Variants in XIRP2 observed in about 807,000 individuals in gnomAD.
XIRP2 encodes the protein xin actin binding repeat containing 2, also known as xin actin-binding repeat-containing protein 2.
XIRP2 carries 236 observed loss-of-function variants against 277.0 expected under a neutral mutation model. The observed-to-expected ratio is 0.85, with a 90% CI of 0.77 to 0.95. The LOEUF (loss-of-function observed/expected upper bound fraction) is 0.95. XIRP2 is among the 40% of genes least tolerant of loss of function. XIRP2 has a pLI of 0.00. For missense variants in XIRP2, 4,640 were observed against 4,157.5 expected, an observed-to-expected ratio of 1.12 and a Z score of -3.19; for synonymous variants, 1,490 against 1,416.5, an observed-to-expected ratio of 1.05 and a Z score of -1.17.
At chr2:166,953,068 TG>T (rs1686074920) in intron 2 of XIRP2, among the ~76,000 whole-genome samples, 3 of 152,020 alleles carry the variant, frequency 2.0e-5, no homozygotes, top group African/African-American at 7.2e-5. Context: ...AATAGCCTAC[TG>T]GTTCTGGGGC....
chr2:167,094,667 T>C (rs1050520752), intron 2 of XIRP2, among the ~76,000 whole-genome samples: 10 of 152,186 alleles, frequency 6.6e-5, no homozygotes, highest in Non-Finnish European at 7.3e-5. Context: ...TTCTGTTCCA[T>C]TGGTCTACAT....
intron 2 of XIRP2, among the ~76,000 whole-genome samples, chr2:167,072,983 A>C (rs979040373): frequency 6.6e-6 from 1 of 152,292 alleles, no homozygotes; most frequent in East Asian, 1.9e-4. Context: ...GAAAACGATA[A>C]AAGTAAAATT....
Position 167,247,778 on chromosome 2 carries a change from T to A in XIRP2, c.6386T>A (p.Leu2129Gln). Residue 2129 changes from leucine (L) to glutamine (Q), a missense_variant, in exon 9 of 11, where the codon CTG (leucine) becomes CAG (glutamine). Physicochemically the swap from Leu to Gln is moderately radical, Grantham distance 113. Transcript: ENST00000409195. ...KTVGKQQTYE[L>Q]RNDHQKMEGF... Reference sequence around the variant, plus strand: ...GTTGGAAAGCAACAGACATATGAACTGAGAAATGACCACCAGAAAATGGAG... The same window carrying A: ...GTTGGAAAGCAACAGACATATGAACAGAGAAATGACCACCAGAAAATGGAG... 6.2e-7 allele frequency: 1 copy of A among 1,613,192 alleles called. No homozygotes were observed. Among genetic ancestry groups the A allele is most frequent in the Non-Finnish European group, 8.5e-7 (1 of 1,179,622 alleles).
intron 2 of XIRP2, among the ~76,000 whole-genome samples, chr2:166,968,281 A>G (rs374392641): frequency 3.9e-5 from 6 of 151,926 alleles, no homozygotes; most frequent in African/African-American, 1.4e-4. Flanking sequence ...TTACATTCCA[A>G]GTTTCTAAAA....
chr2:167,185,462 G>A (rs1693128122), intron 3 of XIRP2, among the ~76,000 whole-genome samples: 1 of 151,800 alleles, frequency 6.6e-6, no homozygotes, highest in Non-Finnish European at 1.5e-5. Flanking sequence ...AAAACAGCAA[G>A]TTTGAAGAAA....
At chr2:167,146,244 A>C (rs1335131575) in intron 3 of XIRP2, among the ~76,000 whole-genome samples, 2 of 152,132 alleles carry the variant, frequency 1.3e-5, no homozygotes, top group Non-Finnish European at 2.9e-5. Flanking sequence ...TCATGCCTGT[A>C]ATCCCAGCAT....
rs1574094813 is a variant in XIRP2 at position 166,937,642 on chromosome 2, A to G, written c.408+33752A>G. On this transcript the variant is annotated intron_variant, in intron 2 of 10. Transcript: ENST00000409195. ...GTTAGGGAGGATTCCCTCTTTTTCT[A>G]TTGATTGGAATAGTTTCAGAAGGAA... Among the ~76,000 whole-genome samples, 3 of 152,094 alleles carry G rather than the reference A, an allele frequency of 2.0e-5. 1 individual carries two copies. The highest frequency in any genetic ancestry group is 7.2e-5 in the African/African-American group (3 of 41,470).
chr2:167,028,427 G>A (rs936768636), intron 2 of XIRP2, among the ~76,000 whole-genome samples: 1 of 151,972 alleles, frequency 6.6e-6, no homozygotes, highest in Admixed American at 6.6e-5. Flanking sequence ...GTAATCCAAG[G>A]AATTCTCTCA....
At chr2:167,026,757 T>C (rs1450631895) in intron 2 of XIRP2, among the ~76,000 whole-genome samples, 2 of 152,174 alleles carry the variant, frequency 1.3e-5, no homozygotes, top group Admixed American at 6.5e-5. Context: ...GAAAATTCTT[T>C]TCTTTAAGAA....
chr2:167,255,921 A>G (rs942886562), intron 10 of XIRP2, among the ~76,000 whole-genome samples: 2 of 151,852 alleles, frequency 1.3e-5, no homozygotes, highest in African/African-American at 2.4e-5. Context: ...CTTTCATTGT[A>G]TTCTTTGATA....
At chr2:167,228,732 A>G (rs1216297407) in intron 5 of XIRP2, among the ~76,000 whole-genome samples, 1 of 152,128 alleles carries the variant, frequency 6.6e-6, no homozygotes, top group South Asian at 2.1e-4. Context: ...TGAAAAAATC[A>G]TCATTGGTTT....
chr2:166,926,895 A>G (rs1270456565), intron 2 of XIRP2, among the ~76,000 whole-genome samples: 3 of 152,120 alleles, frequency 2.0e-5, no homozygotes, highest in East Asian at 3.9e-4. Context: ...GTCATAATAC[A>G]GTCAGCAATA....
intron 9 of XIRP2, 37 bp from the exon 10 acceptor site, chr2:167,253,995 T>G: frequency 6.5e-7 from 1 of 1,537,026 alleles, no homozygotes; most frequent in Non-Finnish European, 8.7e-7. Flanking sequence ...TGATTGAAGA[T>G]AACACTACAG....
intron 2 of XIRP2, among the ~76,000 whole-genome samples, chr2:167,087,708 G>A (rs1690003776): frequency 6.6e-6 from 1 of 152,182 alleles, no homozygotes; most frequent in Non-Finnish European, 1.5e-5. Flanking sequence ...CGATTTTCCA[G>A]GTGCGTCTGT....
intron 3 of XIRP2, among the ~76,000 whole-genome samples, chr2:167,155,577 G>T (rs1175025202): frequency 6.6e-6 from 1 of 152,106 alleles, no homozygotes; most frequent in African/African-American, 2.4e-5. Context: ...CAATAAATTA[G>T]GTATTGATGG....
chr2:167,250,970 C>T lies in XIRP2; in HGVS notation c.9578C>T (p.Ser3193Phe). ...VRLKDTTAKL[S>F]KGAIPCPAAT... ...CTCAAAGACACCACTGCAAAGTTAT[C>T]CAAAGGGGCCATCCCATGTCCAGCA... Residue 3193 changes from serine (S) to phenylalanine (F), a missense_variant, in exon 9 of 11, where the codon TCC becomes TTC. Ser to Phe is a radical substitution (Grantham distance 155). Transcript: ENST00000409195. 6.2e-7 allele frequency: 1 copy of T among 1,613,610 alleles called. No individual in the cohort carries two copies. The highest frequency in any genetic ancestry group is 8.5e-7 in the Non-Finnish European group (1 of 1,179,722).
rs1003858669 is a variant in XIRP2, at chr2:167,243,839, C to T, written c.2447C>T (p.Pro816Leu). Residue 816 changes from proline to leucine, a missense_variant, in exon 9 of 11, where the codon CCT becomes CTT. Physicochemically the swap from Pro to Leu is moderately conservative, Grantham distance 98. Transcript: ENST00000409195. ...SKAKWLFETQPLEKIKESEEV... is the reference protein window; with the variant it reads ...SKAKWLFETQLLEKIKESEEV... ...GCAAAGTGGTTATTTGAAACCCAAC[C>T]TTTGGAGAAAATCAAAGAGTCAGAA... 2.5e-6 allele frequency: 4 copies of T among 1,613,696 alleles called. No individual in the cohort carries two copies. The Admixed American group carries it at 6.7e-5, about 27-fold the overall frequency.
intron 2 of XIRP2, among the ~76,000 whole-genome samples, chr2:167,095,943 G>A (rs541858831): frequency 1.0e-3 from 134 of 128,060 alleles, no homozygotes; most frequent in African/African-American, 3.5e-3. Context: ...GCATGATCTT[G>A]GCTCACTGCA....
rs1253184653 is a variant in XIRP2 at position 166,933,039 on chromosome 2, T to G, written c.408+29149T>G. On this transcript the variant is annotated intron_variant, in intron 2 of 10. Transcript: ENST00000409195. ...TGTATTTATTCCTTCCTGTTTGCATTTAACTTTATAAAATTATTTTGTTAA... is the reference window on the plus strand; with the variant it reads ...TGTATTTATTCCTTCCTGTTTGCATGTAACTTTATAAAATTATTTTGTTAA... Among the ~76,000 whole-genome samples the G allele has an allele frequency of 9.9e-5, 15 of 152,130 alleles. No individual in the cohort carries two copies. In the East Asian group the frequency reaches 2.9e-3, roughly 29 times the overall value.
Sources: gnomAD v4.1 joint callset for allele counts (sites outside exome capture counted in the v4.1 genomes callset) on GRCh38, gnomAD v4.1.1 for gene constraint, MANE v1.5 for transcripts, NCBI Gene and HGNC (gene_info 2026-07-23, HGNC 2026-07-21) for gene names.